Variants in PDE4D observed in about 807,000 individuals in gnomAD.
PDE4D encodes 3',5'-cyclic-AMP phosphodiesterase 4D.
In PDE4D, 24 loss-of-function variants were observed where a neutral mutation model predicts 87.4. The observed-to-expected ratio is 0.27, with a 90% CI of 0.20 to 0.39. The LOEUF (loss-of-function observed/expected upper bound fraction) is 0.39, where lower values mean the gene tolerates loss of function less well. Ranked by LOEUF, PDE4D falls within the 10% of genes least tolerant of loss-of-function variation. PDE4D has a pLI of 1.00. For missense variants in PDE4D, 714 were observed against 1,041.0 expected, an observed-to-expected ratio of 0.69 and a Z score of 4.32; for synonymous variants, 384 against 383.2, an observed-to-expected ratio of 1.00 and a Z score of -0.02.
intron 2 of PDE4D, among the ~76,000 whole-genome samples, chr5:60,075,043 A>G (rs1168497078): frequency 6.6e-5 from 10 of 152,164 alleles, no homozygotes; most frequent in Admixed American, 6.5e-4. Context: ...TGATCCTGTC[A>G]TCATGTTGTT....
chr5:60,464,414 T>A (rs1271178085), intron 1 of PDE4D, among the ~76,000 whole-genome samples: 1 of 152,172 alleles, frequency 6.6e-6, no homozygotes, highest in Non-Finnish European at 1.5e-5. Flanking sequence ...AGAAGCAGAT[T>A]ATGAGAATCC....
At chr5:60,283,131 A>G (rs553671187) in intron 1 of PDE4D, among the ~76,000 whole-genome samples, 4 of 152,256 alleles carry the variant, frequency 2.6e-5, no homozygotes, top group African/African-American at 9.6e-5. Context: ...AATTATGAGC[A>G]GTATGTACTA....
intron 1 of PDE4D, among the ~76,000 whole-genome samples, chr5:60,337,384 T>TACACACACACACACAC (rs1231392851): frequency 2.0e-5 from 2 of 100,332 alleles, no homozygotes; most frequent in African/African-American, 7.8e-5. Flanking sequence ...TATATATATA[T>TACACACACACACACAC]ATATACACAC....
At chr5:60,214,904 T>G (rs1439655009) in intron 1 of PDE4D, among the ~76,000 whole-genome samples, 1 of 152,210 alleles carries the variant, frequency 6.6e-6, no homozygotes, top group Admixed American at 6.5e-5. Flanking sequence ...ATCTGAAATG[T>G]AACAGGTGAA....
intron 2 of PDE4D, among the ~76,000 whole-genome samples, chr5:60,103,476 G>T (rs796416537): frequency 6.6e-6 from 1 of 152,176 alleles, no homozygotes; most frequent in African/African-American, 2.4e-5. Context: ...ATGGTAGAAA[G>T]ATGAGATTTA....
rs1431241710 is a variant in PDE4D, at chr5:58,971,093, C to A, written c.*3571G>T. 1 of 152,116 alleles carries A rather than the reference C, an allele frequency of 6.6e-6. No homozygotes were observed. The highest frequency in any genetic ancestry group is 2.4e-5 in the African/African-American group (1 of 41,434). The allele number at this position is 152,116 out of a possible 1,614,324, so 9.4% of individuals were successfully genotyped here. On this transcript the variant is annotated 3_prime_UTR_variant, in exon 15 of 15. Transcript: ENST00000340635. ...TGGTTTTGTAAAATCCACCTATTGG[C>A]AGAATTCTAATCAATTAAAAGCCTG...
intron 6 of PDE4D, among the ~76,000 whole-genome samples, chr5:58,995,740 T>C (rs1749064961): frequency 6.6e-6 from 1 of 152,174 alleles, no homozygotes; most frequent in African/African-American, 2.4e-5. Context: ...AAATAGTTAC[T>C]TAAATAGCTA....
intron 5 of PDE4D, among the ~76,000 whole-genome samples, chr5:59,052,314 T>C (rs1422701104): frequency 6.6e-6 from 1 of 152,194 alleles, no homozygotes; most frequent in Non-Finnish European, 1.5e-5. Flanking sequence ...CTGGCATTGT[T>C]TTCAGGTGTA....
chr5:60,133,474 T>G (rs1319867192), intron 2 of PDE4D, among the ~76,000 whole-genome samples: 1 of 152,008 alleles, frequency 6.6e-6, no homozygotes, highest in South Asian at 2.1e-4. Context: ...GATTGCAGGC[T>G]ATAGTCAACT....
intron 1 of PDE4D, among the ~76,000 whole-genome samples, chr5:59,887,909 C>T (rs917851666): frequency 3.3e-5 from 5 of 152,130 alleles, no homozygotes; most frequent in African/African-American, 1.2e-4. Flanking sequence ...GTTGGGGCTA[C>T]TGATGGTTAA....
intron 5 of PDE4D, among the ~76,000 whole-genome samples, chr5:59,105,471 A>C (rs970120812): frequency 6.6e-6 from 1 of 152,174 alleles, no homozygotes; most frequent in African/African-American, 2.4e-5. Flanking sequence ...GAAACTATGC[A>C]TAAGTCCTGA....
At chr5:59,574,004 A>G (rs1822341422) in intron 1 of PDE4D, among the ~76,000 whole-genome samples, 1 of 125,302 alleles carries the variant, frequency 8.0e-6, no homozygotes, top group Non-Finnish European at 1.6e-5. Context: ...TCTCAAAAAA[A>G]AATATATATA....
At chr5:60,040,218 C>T (rs1212072335) in intron 2 of PDE4D, among the ~76,000 whole-genome samples, 1 of 152,294 alleles carries the variant, frequency 6.6e-6, no homozygotes, top group Non-Finnish European at 1.5e-5. Flanking sequence ...GTTTACAGCT[C>T]ATCACACAGA....
At chr5:59,008,323 T>C (rs1217348972) in intron 6 of PDE4D, among the ~76,000 whole-genome samples, 1 of 152,062 alleles carries the variant, frequency 6.6e-6, no homozygotes, top group African/African-American at 2.4e-5. Flanking sequence ...TACTTCGTGG[T>C]ATGCTTTGTG....
chr5:59,199,790 AAAAC>A (rs1279706194), intron 2 of PDE4D, among the ~76,000 whole-genome samples: 1 of 152,078 alleles, frequency 6.6e-6, no homozygotes, highest in African/African-American at 2.4e-5. Context: ...ATGGACATAT[AAAAC>A]AAACATATAA....
intron 2 of PDE4D, among the ~76,000 whole-genome samples, chr5:60,099,597 G>A (rs906813954): frequency 8.6e-5 from 13 of 151,598 alleles, no homozygotes; most frequent in South Asian, 4.2e-4. Context: ...AAGGAAATAC[G>A]GTTTACCGAG....
intron 1 of PDE4D, among the ~76,000 whole-genome samples, chr5:59,680,566 C>T (rs935173548): frequency 1.3e-5 from 2 of 151,846 alleles, no homozygotes; most frequent in African/African-American, 2.4e-5. Context: ...GTAACAGAAC[C>T]GTGAAGTGAG....
rs1415458762 is a variant in PDE4D at position 59,882,353 on chromosome 5, A to G, written c.455+10815T>C. On this transcript the variant is annotated intron_variant, in intron 1 of 14. Transcript: ENST00000340635. ...AAAACCCAGGTGGTGGGAATGATTG[A>G]GTGGTAGTAAAATAAAAATGTGTGT... 2.6e-5 allele frequency among the ~76,000 whole-genome samples: 4 copies of G among 152,274 alleles called. No homozygotes were observed. The East Asian group carries it at 7.7e-4, about 29-fold the overall frequency.
chr5:60,289,724 C>A (rs763334123), intron 1 of PDE4D, among the ~76,000 whole-genome samples: 2 of 152,144 alleles, frequency 1.3e-5, no homozygotes, highest in Non-Finnish European at 2.9e-5. Flanking sequence ...GAAAAAGTTT[C>A]ATCCAAGAAT....
Sources: gnomAD v4.1 joint callset for allele counts (sites outside exome capture counted in the v4.1 genomes callset) on GRCh38, gnomAD v4.1.1 for gene constraint, MANE v1.5 for transcripts, NCBI Gene and HGNC (gene_info 2026-07-23, HGNC 2026-07-21) for gene names.